Variants in CACNA1E observed in about 807,000 individuals in gnomAD.
CACNA1E encodes voltage-dependent R-type calcium channel subunit alpha-1E.
CACNA1E carries 40 observed loss-of-function variants against 259.2 expected under a neutral mutation model. The observed-to-expected ratio is 0.15, with a 90% CI of 0.12 to 0.20. CACNA1E has a LOEUF of 0.20. Ranked by LOEUF, CACNA1E falls within the 10% of genes least tolerant of loss-of-function variation. The probability of loss-of-function intolerance (pLI) is 1.00; values close to 1 mark genes in which losing one functional copy is unlikely to be tolerated. For missense variants in CACNA1E, 1,874 were observed against 3,040.1 expected (o/e 0.62, Z 9.02); for synonymous variants, 1,104 against 1,138.5 (o/e 0.97, Z 0.61).
chr1:181,481,374 T>TCA (rs1553257760), upstream of CACNA1E, among the ~76,000 whole-genome samples: 2 of 137,104 alleles, frequency 1.5e-5, no homozygotes, highest in Non-Finnish European at 3.2e-5. Context: ...ACACACACTC[T>TCA]CACATACATT....
At chr1:181,751,987 C>G in intron 26 of CACNA1E, 156 bp from the exon 27 acceptor site, 1 of 708,146 alleles carries the variant, frequency 1.4e-6, no homozygotes, top group Admixed American at 2.0e-5. Context: ...CGCAGGATGT[C>G]CCTGGAGTCA....
At chr1:181,630,722 A>G (rs1656646935) in intron 6 of CACNA1E, among the ~76,000 whole-genome samples, 1 of 152,142 alleles carries the variant, frequency 6.6e-6, no homozygotes, top group East Asian at 1.9e-4. Context: ...TCAAGGCATA[A>G]CAAATGATAC....
chr1:181,765,693 C>T (rs1658958494), intron 34 of CACNA1E, among the ~76,000 whole-genome samples: 1 of 152,220 alleles, frequency 6.6e-6, no homozygotes, highest in Non-Finnish European at 1.5e-5. Flanking sequence ...GTAGCACTGT[C>T]TGCCAGGGAG....
At chr1:181,479,293 A>G (rs957735762), upstream of CACNA1E, among the ~76,000 whole-genome samples, 7 of 152,104 alleles carry the variant, frequency 4.6e-5, no homozygotes, top group African/African-American at 1.7e-4. Context: ...GGCATGGTGC[A>G]TGGGGTGCTG....
At chr1:181,357,487 G>GCA (rs3051636) in intron 1 of CACNA1E, among the ~76,000 whole-genome samples, 8,491 of 152,252 alleles carry the variant, frequency 0.056, 390 homozygotes, top group African/African-American at 0.12. Flanking sequence ...TTTGTAGTGA[G>GCA]CAGACTCCTG....
At chr1:181,388,297 A>G (rs548031605) in intron 1 of CACNA1E, among the ~76,000 whole-genome samples, 11 of 152,310 alleles carry the variant, frequency 7.2e-5, no homozygotes, top group African/African-American at 2.2e-4. Flanking sequence ...CAATTAGCCA[A>G]TGCTGAGCCA....
chr1:181,364,541 C>T (rs1395620988), intron 1 of CACNA1E, among the ~76,000 whole-genome samples: 1 of 152,114 alleles, frequency 6.6e-6, no homozygotes, highest in Non-Finnish European at 1.5e-5. Flanking sequence ...AGATCTTATA[C>T]AGAAGAAATA....
chr1:181,322,884 G>A (rs1650471123), intron 1 of CACNA1E, among the ~76,000 whole-genome samples: 1 of 152,302 alleles, frequency 6.6e-6, no homozygotes, highest in African/African-American at 2.4e-5. Flanking sequence ...CAGCTGAATG[G>A]GGCTGAGGGA....
chr1:181,637,931 A>G (rs1291077105), intron 6 of CACNA1E, among the ~76,000 whole-genome samples: 1 of 152,172 alleles, frequency 6.6e-6, no homozygotes, highest in Admixed American at 6.5e-5. Context: ...GAATTGCAAG[A>G]AGCTGGATGT....
intron 2 of CACNA1E, among the ~76,000 whole-genome samples, chr1:181,433,209 TG>T (rs1267819626): frequency 3.3e-5 from 5 of 152,174 alleles, no homozygotes; most frequent in Non-Finnish European, 7.4e-5. Flanking sequence ...TCCCCCAACC[TG>T]GGGCTTCTCT....
chr1:181,387,967 C>A (rs1434017210), intron 1 of CACNA1E, among the ~76,000 whole-genome samples: 2 of 152,164 alleles, frequency 1.3e-5, no homozygotes, highest in Non-Finnish European at 2.9e-5. Flanking sequence ...CCCCTTGGGA[C>A]CCTATAAAGC....
chr1:181,663,125 A>G (rs746643264), intron 7 of CACNA1E, among the ~76,000 whole-genome samples: 29 of 152,206 alleles, frequency 1.9e-4, no homozygotes, highest in Non-Finnish European at 4.0e-4. Context: ...AGAATCTGTC[A>G]CTCATAGTAA....
At chr1:181,589,078 G>A (rs946901666) in intron 6 of CACNA1E, among the ~76,000 whole-genome samples, 1 of 152,182 alleles carries the variant, frequency 6.6e-6, no homozygotes, top group Non-Finnish European at 1.5e-5. Context: ...TCATCCAGGG[G>A]TAATTATTGT....
chr1:181,737,603 C>T lies in CACNA1E; in HGVS notation c.3501C>T (p.Ser1167=). The T allele has an allele frequency of 6.2e-7, 1 of 1,613,936 alleles. No homozygotes were observed. The highest frequency in any genetic ancestry group is 8.5e-7 in the Non-Finnish European group (1 of 1,179,822). ...TCCTCCTGGTGATTGCAGCCAGCAG[C>T]ATCGCCCTGGCGGCAGAGGACCCCG... ...MCILLVIAAS[S]IALAAEDPVL... The change falls in exon 23 of 48, where the codon AGC becomes AGT. Residue 1167 remains serine, a synonymous_variant. Transcript: ENST00000367573.
Position 181,776,572 on chromosome 1 carries a change from T to G in CACNA1E, c.5267+344T>G, listed in dbSNP as rs139346832. Among the ~76,000 whole-genome samples the G allele has an allele frequency of 1.8e-3, 267 of 152,350 alleles. 1 individual carries two copies. Among genetic ancestry groups the G allele is most frequent in the African/African-American group, 6.2e-3 (257 of 41,588 alleles). On this transcript the variant is annotated intron_variant, in intron 38 of 47. Transcript: ENST00000367573. This position sits in a 1 kb window ranked among gnomAD's most constrained non-coding sequence, Gnocchi z 4.4. ...TGGACTCCTTTGAGTTATCAGGGGG[T>G]TTGACAAGGGTTTTTGGCCAGCTGG...
intron 2 of CACNA1E, among the ~76,000 whole-genome samples, chr1:181,424,569 A>G (rs1168276808): frequency 6.6e-6 from 1 of 152,182 alleles, no homozygotes; most frequent in Non-Finnish European, 1.5e-5. Context: ...AAGGAGGGGG[A>G]CTGGCCCCCT....
intron 29 of CACNA1E, 40 bp from the exon 30 acceptor site, chr1:181,756,884 CT>C: frequency 7.6e-7 from 1 of 1,323,688 alleles, no homozygotes; most frequent in Non-Finnish European, 1.1e-6. Context: ...GAAGCCAAGA[CT>C]GTCATCCACC....
At chr1:181,404,048 A>G (rs1657289716) in intron 1 of CACNA1E, among the ~76,000 whole-genome samples, 1 of 152,154 alleles carries the variant, frequency 6.6e-6, no homozygotes, top group African/African-American at 2.4e-5. Flanking sequence ...GTTACCTTAT[A>G]CTTCATTGGC....
chr1:181,554,869 G>A (rs948420862), intron 3 of CACNA1E, among the ~76,000 whole-genome samples: 10 of 152,144 alleles, frequency 6.6e-5, no homozygotes, highest in African/African-American at 2.2e-4. Context: ...ATCTAAGTGA[G>A]CATTTAATTT....
Sources: gnomAD v4.1 joint callset for allele counts (sites outside exome capture counted in the v4.1 genomes callset) on GRCh38, gnomAD v4.1.1 for gene constraint, Gnocchi (gnomAD v3.1) non-coding constraint, MANE v1.5 for transcripts, NCBI Gene and HGNC (gene_info 2026-07-23, HGNC 2026-07-21) for gene names.